ADAMTS19: variants seen among roughly 807,000 people sequenced by gnomAD.
ADAMTS19 encodes A disintegrin and metalloproteinase with thrombospondin motifs 19.
A neutral mutation model predicts 153.3 loss-of-function variants in ADAMTS19; 93 were observed. The ratio of observed to expected loss-of-function variants is 0.61; its 90% CI spans 0.51 to 0.72. The LOEUF (loss-of-function observed/expected upper bound fraction) is 0.72. Ranked by LOEUF, ADAMTS19 falls within the 30% of genes least tolerant of loss-of-function variation. The probability of loss-of-function intolerance (pLI) is 0.00; values close to 1 mark genes in which losing one functional copy is unlikely to be tolerated. For synonymous variants in ADAMTS19, 600 were observed against 556.6 expected (o/e 1.08, Z -1.10); for missense variants, 1,482 against 1,552.1 (o/e 0.95, Z 0.76).
intron 15 of ADAMTS19, among the ~76,000 whole-genome samples, chr5:129,659,155 T>C (rs1414864349): frequency 6.6e-6 from 1 of 152,190 alleles, no homozygotes; most frequent in African/African-American, 2.4e-5. Flanking sequence ...ATGTTTTTGC[T>C]ACATTATCAG....
intron 2 of ADAMTS19, among the ~76,000 whole-genome samples, chr5:129,489,670 A>G (rs1750706167): frequency 6.6e-6 from 1 of 152,172 alleles, no homozygotes; most frequent in South Asian, 2.1e-4. Flanking sequence ...TGTGAAAATG[A>G]AAGGCCAGAG....
intron 2 of ADAMTS19, among the ~76,000 whole-genome samples, chr5:129,494,015 A>G (rs149024295): frequency 8.5e-5 from 13 of 152,174 alleles, no homozygotes; most frequent in African/African-American, 3.1e-4. Context: ...TTCCTTTCAA[A>G]TTACAAAACT....
intron 6 of ADAMTS19, among the ~76,000 whole-genome samples, chr5:129,549,067 C>T (rs1054273056): frequency 6.8e-6 from 1 of 147,124 alleles, no homozygotes; most frequent in Admixed American, 6.8e-5. Context: ...AGGAGATATA[C>T]CTAATGCTAA....
chr5:129,720,175 T>TATATATATATATATA (rs1184615168), intron 21 of ADAMTS19, among the ~76,000 whole-genome samples: 8 of 116,542 alleles, frequency 6.9e-5, no homozygotes, highest in African/African-American at 3.7e-4. Flanking sequence ...TATATATTTA[T>TATATATATATATATA]TTTTTTTTTT....
intron 10 of ADAMTS19, among the ~76,000 whole-genome samples, chr5:129,636,024 G>C (rs1581170271): frequency 6.6e-6 from 1 of 152,106 alleles, no homozygotes; most frequent in African/African-American, 2.4e-5. Context: ...AGCCTCCTGA[G>C]TAGGTGGAAT....
chr5:129,650,925 C>G (rs1440242620), intron 13 of ADAMTS19, among the ~76,000 whole-genome samples: 2 of 152,116 alleles, frequency 1.3e-5, no homozygotes, highest in Admixed American at 6.5e-5. Context: ...CTAATGTCAT[C>G]CAGGAGTCTC....
At position 129,709,127 on chromosome 5, in the gene ADAMTS19, T is replaced by G. The variant is rs547999270; in HGVS notation, c.3312+4736T>G. Reference sequence around the variant, plus strand: ...GACAAATGAAGAATCTAAAAACTAATTTTTTCCTAATGAATAAGCAAAATA... The same window carrying G: ...GACAAATGAAGAATCTAAAAACTAAGTTTTTCCTAATGAATAAGCAAAATA... On this transcript the variant is annotated intron_variant, in intron 21 of 22. Coordinates refer to ENST00000274487, the MANE Select transcript of ADAMTS19 (RefSeq NM_133638.6). 2.1e-3 allele frequency among the ~76,000 whole-genome samples: 320 copies of G among 152,238 alleles called. 2 individuals carry two copies. The highest frequency in any genetic ancestry group is 7.4e-3 in the African/African-American group (307 of 41,578).
chr5:129,605,414 C>A (rs1489749347), intron 8 of ADAMTS19, among the ~76,000 whole-genome samples: 1 of 152,178 alleles, frequency 6.6e-6, no homozygotes, highest in Non-Finnish European at 1.5e-5. Flanking sequence ...GGGGACTTGG[C>A]CTTTCCTTTG....
intron 2 of ADAMTS19, among the ~76,000 whole-genome samples, chr5:129,477,325 G>C (rs760166712): frequency 3.3e-5 from 5 of 152,142 alleles, no homozygotes; most frequent in Admixed American, 6.6e-5. Flanking sequence ...CTAATTTAAT[G>C]TCCATGGTTG....
intron 3 of ADAMTS19, among the ~76,000 whole-genome samples, chr5:129,516,523 G>A (rs536683429): frequency 4.5e-4 from 68 of 151,468 alleles, no homozygotes; most frequent in Admixed American, 1.2e-3. Flanking sequence ...TTTCAATCTT[G>A]GTAGGTTGTA....
At chr5:129,658,854 T>C in intron 15 of ADAMTS19, 117 bp downstream of exon 15, 7 of 1,110,940 alleles carry the variant, frequency 6.3e-6, no homozygotes, top group Non-Finnish European at 8.5e-6. Flanking sequence ...TTGCAATGGG[T>C]ATTAAATTAT....
chr5:129,608,557 A>C (rs978875523), intron 8 of ADAMTS19, among the ~76,000 whole-genome samples: 3 of 152,150 alleles, frequency 2.0e-5, no homozygotes, highest in Non-Finnish European at 4.4e-5. Context: ...ATTGATGTGC[A>C]GTAGTATATC....
chr5:129,547,889 A>G (rs1341681155), intron 6 of ADAMTS19, among the ~76,000 whole-genome samples: 3 of 150,872 alleles, frequency 2.0e-5, no homozygotes, highest in Admixed American at 1.3e-4. Flanking sequence ...CAACTATCTG[A>G]TCTTTGACAA....
At chr5:129,469,497 T>G (rs1749989750) in intron 2 of ADAMTS19, among the ~76,000 whole-genome samples, 1 of 152,192 alleles carries the variant, frequency 6.6e-6, no homozygotes, top group Non-Finnish European at 1.5e-5. Flanking sequence ...TATTAGAACA[T>G]TAAATATGCT....
chr5:129,535,517 C>T (rs1265865167), intron 6 of ADAMTS19, among the ~76,000 whole-genome samples: 1 of 152,166 alleles, frequency 6.6e-6, no homozygotes, highest in Non-Finnish European at 1.5e-5. Flanking sequence ...ATGCCATCCC[C>T]ATCAAGCTAC....
intron 13 of ADAMTS19, among the ~76,000 whole-genome samples, chr5:129,650,769 A>T (rs576627991): frequency 6.6e-6 from 1 of 152,106 alleles, no homozygotes; most frequent in Non-Finnish European, 1.5e-5. Flanking sequence ...ACTAAAACAT[A>T]AAAACTTCCC....
Position 129,475,603 on chromosome 5 carries a change from C to T in ADAMTS19, c.747+13846C>T, listed in dbSNP as rs551132896. ...ATCCCAGCACTTTGGGAGGCCGAGG[C>T]AGGCAGATCACTTGGGGTCAGGAGT... On this transcript the variant is annotated intron_variant, in intron 2 of 22. Coordinates refer to ENST00000274487, the MANE Select transcript of ADAMTS19 (RefSeq NM_133638.6). 5.9e-5 allele frequency among the ~76,000 whole-genome samples: 9 copies of T among 152,274 alleles called. No homozygotes were observed. In the South Asian group the frequency reaches 1.9e-3, roughly 32 times the overall value.
At chr5:129,706,217 A>G (rs1756143733) in intron 21 of ADAMTS19, among the ~76,000 whole-genome samples, 1 of 152,200 alleles carries the variant, frequency 6.6e-6, no homozygotes, top group African/African-American at 2.4e-5. Flanking sequence ...CTCTGAAAAT[A>G]TTTACAAACC....
At chr5:129,726,991 C>T (rs1757236474) in intron 21 of ADAMTS19, among the ~76,000 whole-genome samples, 1 of 152,088 alleles carries the variant, frequency 6.6e-6, no homozygotes, top group African/African-American at 2.4e-5. Context: ...TCCCAGTCTC[C>T]AGACATGGCA....
Sources: gnomAD v4.1 joint callset for allele counts (sites outside exome capture counted in the v4.1 genomes callset) on GRCh38, gnomAD v4.1.1 for gene constraint, MANE v1.5 for transcripts, NCBI Gene and HGNC (gene_info 2026-07-23, HGNC 2026-07-21) for gene names.